The following GDAP2 variants were observed in gnomAD, a reference collection of about 807,000 sequenced individuals.
GDAP2 encodes the protein ganglioside induced differentiation associated protein 2.
GDAP2 carries 51 observed loss-of-function variants against 67.0 expected under a neutral mutation model. The observed-to-expected ratio is 0.76, with a 90% CI of 0.61 to 0.96. The LOEUF (loss-of-function observed/expected upper bound fraction) is 0.96. Among genes scored for constraint, GDAP2 ranks in the 40% least tolerant of loss-of-function variants. The pLI, the probability that GDAP2 is intolerant of heterozygous loss-of-function variation, is 0.00. For missense variants in GDAP2, 547 were observed against 588.3 expected (o/e 0.93, Z 0.73); for synonymous variants, 203 against 207.3 (o/e 0.98, Z 0.18).
At chr1:117,871,464 A>G (rs1264595280) in intron 13 of GDAP2, among the ~76,000 whole-genome samples, 1 of 152,254 alleles carries the variant, frequency 6.6e-6, no homozygotes, top group African/African-American at 2.4e-5. Context: ...TCACAAACAG[A>G]TAATGCTTAG....
chr1:117,892,237 G>C (rs924179747), intron 8 of GDAP2, among the ~76,000 whole-genome samples: 1 of 152,066 alleles, frequency 6.6e-6, no homozygotes, highest in African/African-American at 2.4e-5. Context: ...AAAATCACCA[G>C]TTGGGAAGAA....
chr1:117,912,024 G>A lies in GDAP2; in HGVS notation c.529C>T (p.Pro177Ser), dbSNP rs933958202. The change falls in exon 5 of 14, where the codon CCT becomes TCT. Residue 177 changes from proline to serine, a missense_variant. By Grantham distance (74) the Pro-to-Ser change is moderately conservative. Coordinates refer to ENST00000369443, the MANE Select transcript of GDAP2 (RefSeq NM_017686.4). ...CVINSAKRGY[P>S]LEDATHIALR... Reference sequence around the variant, plus strand: ...GCTATGTGTGTTGCATCCTCTAAAGGATAACCACGTTTTGCAGAATTGATG... The same window carrying A: ...GCTATGTGTGTTGCATCCTCTAAAGAATAACCACGTTTTGCAGAATTGATG... 6.2e-7 allele frequency: 1 copy of A among 1,603,126 alleles called. No individual in the cohort carries two copies. The highest frequency in any genetic ancestry group is 1.3e-5 in the African/African-American group (1 of 74,770).
intron 11 of GDAP2, among the ~76,000 whole-genome samples, 171 bp from the exon 12 acceptor site, chr1:117,882,048 G>C (rs41306179): frequency 6.6e-6 from 1 of 152,174 alleles, no homozygotes; most frequent in Non-Finnish European, 1.5e-5. Flanking sequence ...ACAATTCAGA[G>C]AACATTCCAT....
chr1:117,925,128 CTAAG>C (rs1159585266), intron 1 of GDAP2, among the ~76,000 whole-genome samples: 5 of 152,150 alleles, frequency 3.3e-5, no homozygotes, highest in African/African-American at 1.2e-4. Context: ...CTTTCTGACT[CTAAG>C]TAATACATGC....
At position 117,865,098 on chromosome 1, in the gene GDAP2, A is replaced by C. The variant is rs899330485; in HGVS notation, c.*5471T>G. ...TGAATCTGAATCTCCATTTAATAAT[A>C]TCCTCAGCTGATTTGATACATGCAC... On this transcript the variant is annotated 3_prime_UTR_variant, in exon 14 of 14. Coordinates refer to ENST00000369443, the MANE Select transcript of GDAP2 (RefSeq NM_017686.4). 3.3e-5 allele frequency: 5 copies of C among 152,216 alleles called. No homozygotes were observed. Among genetic ancestry groups the C allele is most frequent in the Non-Finnish European group, 7.3e-5 (5 of 68,036 alleles). The allele number at this position is 152,216 out of a possible 1,614,324, so 9.4% of individuals were successfully genotyped here.
In GDAP2 at chr1:117,906,590, A is replaced by G. The variant is rs376927925; in HGVS notation, c.560-8T>C. On this transcript the variant is annotated splice_region_variant and splice_polypyrimidine_tract_variant and intron_variant, in intron 5 of 13. Transcript: ENST00000369443. Reference sequence around the variant, plus strand: ...GGAATCTTCTTACAGTGCCTAAGGAAAAGAATAGAAAGATTACTCAATAAA... The same window carrying G: ...GGAATCTTCTTACAGTGCCTAAGGAGAAGAATAGAAAGATTACTCAATAAA... 6 of 1,346,274 alleles carry G rather than the reference A, an allele frequency of 4.5e-6. No homozygotes were observed. The highest frequency in any genetic ancestry group is 6.3e-6 in the Non-Finnish European group (6 of 956,214). 83.4% of individuals were successfully genotyped at this position (1,346,274 alleles called of 1,614,324 possible). A position where few individuals can be genotyped will look rare whatever the true frequency, so the allele number is the denominator to read the frequency against.
chr1:117,866,568 A>C lies in GDAP2; in HGVS notation c.*4001T>G, dbSNP rs1648067724. Reference sequence around the variant, plus strand: ...ACAACTTAAGAAAACTATAATCAGAAACCTGGCCAGGCACAGTGGCTTATG... The same window carrying C: ...ACAACTTAAGAAAACTATAATCAGACACCTGGCCAGGCACAGTGGCTTATG... On this transcript the variant is annotated 3_prime_UTR_variant, in exon 14 of 14. Transcript: ENST00000369443. The C allele has an allele frequency of 6.6e-6, 1 of 152,174 alleles. No homozygotes were observed. Among genetic ancestry groups the C allele is most frequent in the Non-Finnish European group, 1.5e-5 (1 of 68,032 alleles). The allele number at this position is 152,174 out of a possible 1,614,324, so 9.4% of individuals were successfully genotyped here.
At chr1:117,895,223 C>A (rs1322552822) in intron 8 of GDAP2, among the ~76,000 whole-genome samples, 1 of 151,860 alleles carries the variant, frequency 6.6e-6, no homozygotes, top group Non-Finnish European at 1.5e-5. Context: ...GAAGAATATC[C>A]CAATTATTTT....
chr1:117,906,417 G>A, intron 6 of GDAP2, 89 bp downstream of exon 6: 1 of 704,124 alleles, frequency 1.4e-6, no homozygotes, highest in Non-Finnish European at 2.5e-6. Flanking sequence ...TTTGTCTGCT[G>A]GAAACTCAGT....
chr1:117,883,446 A>G, intron 11 of GDAP2, 42 bp downstream of exon 11: 2 of 1,467,228 alleles, frequency 1.4e-6, no homozygotes, highest in Non-Finnish European at 1.9e-6. Context: ...ATTAGAAAAG[A>G]AAGAAACTAT....
chr1:117,903,868 C>A (rs1004745568), intron 6 of GDAP2, among the ~76,000 whole-genome samples: 2 of 152,146 alleles, frequency 1.3e-5, no homozygotes, highest in Non-Finnish European at 2.9e-5. Flanking sequence ...GAGACAGCAG[C>A]CCTCTAATGA....
intron 8 of GDAP2, among the ~76,000 whole-genome samples, chr1:117,891,006 C>T (rs1348550408): frequency 7.9e-5 from 12 of 151,634 alleles, no homozygotes; most frequent in African/African-American, 2.2e-4. Flanking sequence ...TGGAACATTT[C>T]GGATTTTTGG....
chr1:117,914,244 CA>C (rs1399595529), intron 3 of GDAP2, among the ~76,000 whole-genome samples: 1 of 151,836 alleles, frequency 6.6e-6, no homozygotes, highest in African/African-American at 2.4e-5. Context: ...ATAGACAACA[CA>C]GGGGAAAAAA....
intron 1 of GDAP2, among the ~76,000 whole-genome samples, chr1:117,921,218 C>A (rs1650243181): frequency 6.7e-6 from 1 of 149,332 alleles, no homozygotes; most frequent in Admixed American, 6.8e-5. Context: ...CCAGCCTGGG[C>A]AACAAGAGCA....
At chr1:117,921,993 C>T (rs188899323) in intron 1 of GDAP2, among the ~76,000 whole-genome samples, 1 of 151,944 alleles carries the variant, frequency 6.6e-6, no homozygotes, top group Non-Finnish European at 1.5e-5. Flanking sequence ...ATGCTATTTA[C>T]CGAGAAGGGA....
chr1:117,878,214 A>C, intron 12 of GDAP2, 62 bp from the exon 13 acceptor site: 1 of 840,644 alleles, frequency 1.2e-6, no homozygotes, highest in Non-Finnish European at 1.8e-6. Context: ...CATAAACACA[A>C]TTTGGAAAAT....
chr1:117,902,182 TGC>T (rs1464558531), intron 6 of GDAP2, among the ~76,000 whole-genome samples: 11 of 152,362 alleles, frequency 7.2e-5, no homozygotes, highest in Admixed American at 2.0e-4. Flanking sequence ...CAATGTTTCT[TGC>T]CATAGACCTC....
chr1:117,899,004 C>A (rs915919130), intron 7 of GDAP2, 53 bp downstream of exon 7: 3 of 1,331,212 alleles, frequency 2.3e-6, no homozygotes, highest in Non-Finnish European at 2.2e-6. Context: ...GTGATTGGTG[C>A]CTATTTTTGG....
chr1:117,897,514 C>G lies in GDAP2; in HGVS notation c.797-525G>C, dbSNP rs377477062. ...AGTTATAATTTAGCATCCTGGTTTTCTACACTGTCATACCAACCTAGTTAT... is the reference window on the plus strand; with the variant it reads ...AGTTATAATTTAGCATCCTGGTTTTGTACACTGTCATACCAACCTAGTTAT... On this transcript the variant is annotated intron_variant, in intron 7 of 13. Transcript: ENST00000369443. Among the ~76,000 whole-genome samples the G allele has an allele frequency of 2.7e-4, 41 of 152,282 alleles. No homozygotes were observed. In the East Asian group the frequency reaches 3.7e-3, roughly 14 times the overall value.
Sources: gnomAD v4.1 joint callset for allele counts (sites outside exome capture counted in the v4.1 genomes callset) on GRCh38, gnomAD v4.1.1 for gene constraint, MANE v1.5 for transcripts, NCBI Gene and HGNC (gene_info 2026-07-23, HGNC 2026-07-21) for gene names.